AMD1: variants seen among roughly 807,000 people sequenced by gnomAD.
AMD1 encodes S-adenosylmethionine decarboxylase proenzyme.
A neutral mutation model predicts 40.2 loss-of-function variants in AMD1; 11 were observed. The observed-to-expected ratio is 0.27, with a 90% CI of 0.17 to 0.45. The LOEUF is 0.45. Ranked by LOEUF, AMD1 falls within the 20% of genes least tolerant of loss-of-function variation. AMD1 has a pLI of 1.00. For synonymous variants in AMD1, 121 were observed against 130.8 expected (o/e 0.93, Z 0.51); for missense variants, 257 against 410.2 (o/e 0.63, Z 3.23).
intron 1 of AMD1, 78 bp downstream of exon 1, chr6:110,875,293 C>G: frequency 8.4e-7 from 1 of 1,187,944 alleles, no homozygotes; most frequent in South Asian, 1.3e-5. Context: ...CGGGTGGAGC[C>G]CGAGTTCCCT....
upstream of AMD1, among the ~76,000 whole-genome samples, chr6:110,871,592 G>C (rs1211666591): frequency 2.0e-5 from 3 of 152,226 alleles, no homozygotes; most frequent in Non-Finnish European, 4.4e-5. Context: ...GGACCATAAA[G>C]AGGTAAGAAG....
At chr6:110,829,481 C>G in the AMD1 span, among the ~76,000 whole-genome samples, 1 of 151,508 alleles carries the variant, frequency 6.6e-6, no homozygotes, top group Admixed American at 6.6e-5. Context: ...AGATCGAGAC[C>G]ATCCTGGCTA....
chr6:110,830,836 A>G, the AMD1 span, among the ~76,000 whole-genome samples: 1 of 151,952 alleles, frequency 6.6e-6, no homozygotes, highest in Non-Finnish European at 1.5e-5. Flanking sequence ...TGCAGCCTTG[A>G]CCTCCTGGGC....
the AMD1 span, among the ~76,000 whole-genome samples, chr6:110,829,121 G>A: frequency 2.6e-5 from 4 of 151,204 alleles, no homozygotes; most frequent in South Asian, 6.3e-4. Context: ...AGTGAGCCGA[G>A]ATCACACCAT....
chr6:110,858,930 C>G, the AMD1 span: 6 of 955,882 alleles, frequency 6.3e-6, no homozygotes, highest in African/African-American at 9.5e-5. Context: ...TGACACCAAG[C>G]TGGGAACCGA....
chr6:110,875,050 G>A lies in AMD1; in HGVS notation c.-56G>A. 2 of 1,390,472 alleles carry A rather than the reference G, an allele frequency of 1.4e-6. No homozygotes were observed. Among genetic ancestry groups the A allele is most frequent in the Non-Finnish European group, 1.0e-6 (1 of 1,001,720 alleles). 86.1% of individuals were successfully genotyped at this position (1,390,472 alleles called of 1,614,324 possible). On this transcript the variant is annotated 5_prime_UTR_variant, in exon 1 of 9. Transcript: ENST00000368885. ...AGCGGCGGCGGCAGCGGCGGGAGAA[G>A]AGGTTTAATTTAGTTGATTTTCTGT... is the stretch of plus-strand genomic sequence containing the variant.
chr6:110,875,406 G>A (rs1489176867), intron 1 of AMD1, among the ~76,000 whole-genome samples, 191 bp downstream of exon 1: 3 of 152,130 alleles, frequency 2.0e-5, no homozygotes, highest in Non-Finnish European at 4.4e-5. Flanking sequence ...GGCCGGAGCC[G>A]GCTTCTCCCG....
At chr6:110,860,842 C>CAT in the AMD1 span, among the ~76,000 whole-genome samples, 2 of 148,984 alleles carry the variant, frequency 1.3e-5, no homozygotes, top group Admixed American at 1.3e-4. Flanking sequence ...CCCACACACA[C>CAT]ACACACACAC....
the AMD1 span, chr6:110,815,027 T>C: frequency 1.2e-6 from 2 of 1,604,178 alleles, no homozygotes; most frequent in Non-Finnish European, 8.5e-7. Flanking sequence ...CCGCCTCGCC[T>C]TGTAGACGTG....
intron 3 of AMD1, 66 bp downstream of exon 3, chr6:110,889,049 G>C: frequency 6.4e-6 from 10 of 1,561,970 alleles, no homozygotes; most frequent in Non-Finnish European, 8.7e-6. Context: ...TGTAATATGC[G>C]AAGTAAATAA....
upstream of AMD1, among the ~76,000 whole-genome samples, chr6:110,873,451 C>T (rs572821890): frequency 1.3e-5 from 2 of 152,346 alleles, no homozygotes; most frequent in South Asian, 2.1e-4. Context: ...ACGTGAACCA[C>T]GTTCTTGTAA....
the AMD1 span, among the ~76,000 whole-genome samples, chr6:110,865,537 GCGT>G: frequency 6.6e-6 from 1 of 151,934 alleles, no homozygotes; most frequent in Non-Finnish European, 1.5e-5. Flanking sequence ...CGGATTATAG[GCGT>G]GTGCCACCAT....
intron 1 of AMD1, among the ~76,000 whole-genome samples, chr6:110,880,464 A>G (rs1472967346): frequency 1.3e-5 from 2 of 152,102 alleles, no homozygotes; most frequent in Non-Finnish European, 2.9e-5. Context: ...CATTTACCCT[A>G]TGTATTCTTC....
At chr6:110,878,634 C>G (rs1439935314) in intron 1 of AMD1, among the ~76,000 whole-genome samples, 1 of 152,048 alleles carries the variant, frequency 6.6e-6, no homozygotes, top group Non-Finnish European at 1.5e-5. Flanking sequence ...AATCAGTGAC[C>G]ATTTAAAAAA....
intron 1 of AMD1, chr6:110,875,496 T>G: frequency 6.4e-6 from 2 of 311,182 alleles, no homozygotes; most frequent in Non-Finnish European, 1.2e-5. Flanking sequence ...CGTCCCGCGC[T>G]GGGCGGCGGG....
At chr6:110,837,172 C>CAA in the AMD1 span, among the ~76,000 whole-genome samples, 623 of 23,896 alleles carry the variant, frequency 0.026, 156 homozygotes, top group African/African-American at 0.078. Context: ...CAGAGCGTCT[C>CAA]AAAAAAAAAA....
chr6:110,875,249 C>G, intron 1 of AMD1, 34 bp downstream of exon 1: 1 of 1,537,188 alleles, frequency 6.5e-7, no homozygotes, highest in South Asian at 1.2e-5. Context: ...ACATCCGGGC[C>G]TGGGGGCTGT....
upstream of AMD1, among the ~76,000 whole-genome samples, chr6:110,870,004 G>A (rs1486237992): frequency 1.3e-5 from 2 of 152,170 alleles, no homozygotes; most frequent in Non-Finnish European, 2.9e-5. Context: ...TCCCGCCTCA[G>A]CCTCCCAAAG....
the AMD1 span, among the ~76,000 whole-genome samples, chr6:110,867,164 T>C: frequency 4.0e-5 from 6 of 151,698 alleles, no homozygotes; most frequent in East Asian, 1.2e-3. Context: ...TCTTTTTTTT[T>C]TTAGAGACTC....
Sources: allele counts gnomAD v4.1 joint callset (sites outside exome capture counted in the v4.1 genomes callset), GRCh38; gene constraint gnomAD v4.1.1; transcripts MANE v1.5; gene names NCBI Gene and HGNC (gene_info 2026-07-23, HGNC 2026-07-21).